The following ADAMTS17 variants were observed in gnomAD, a reference collection of about 807,000 sequenced individuals.
ADAMTS17 encodes the protein ADAM metallopeptidase with thrombospondin type 1 motif 17.
In ADAMTS17, 113 loss-of-function variants were observed where a neutral mutation model predicts 141.5. The ratio of observed to expected loss-of-function variants is 0.80; its 90% CI spans 0.69 to 0.93. The LOEUF (loss-of-function observed/expected upper bound fraction) is 0.93, where lower values mean the gene tolerates loss of function less well. ADAMTS17 is among the 40% of genes least tolerant of loss of function. The probability of loss-of-function intolerance (pLI) is 0.00; values close to 1 mark genes in which losing one functional copy is unlikely to be tolerated. For synonymous variants in ADAMTS17, 768 were observed against 630.6 expected (o/e 1.22, Z -3.27); for missense variants, 1,659 against 1,517.9 (o/e 1.09, Z -1.54).
At chr15:99,984,326 T>C (rs2060541387) in intron 20 of ADAMTS17, among the ~76,000 whole-genome samples, 1 of 152,138 alleles carries the variant, frequency 6.6e-6, no homozygotes, top group African/African-American at 2.4e-5. Context: ...GTAACTTTGC[T>C]TCCCACCATC....
At chr15:99,992,613 C>T (rs1345386916) in intron 20 of ADAMTS17, among the ~76,000 whole-genome samples, 2 of 147,582 alleles carry the variant, frequency 1.4e-5, no homozygotes, top group African/African-American at 2.7e-5. Context: ...CACCCCATGG[C>T]CCCCTGCCCT....
At position 100,167,154 on chromosome 15, in the gene ADAMTS17, C is replaced by G. The variant is rs547478389; in HGVS notation, c.1182-11834G>C. Among the ~76,000 whole-genome samples the G allele has an allele frequency of 2.0e-5, 3 of 152,322 alleles. No homozygotes were observed. In the East Asian group the frequency reaches 5.8e-4, roughly 29 times the overall value. The stretch of plus-strand genomic sequence containing the variant: ...TGACTAACTGCTAGCACCCAGACCA[C>G]ACAAGCCTAAGTGAGAACCTGATTG... On this transcript the variant is annotated intron_variant, in intron 8 of 21. Coordinates refer to ENST00000268070, the MANE Select transcript of ADAMTS17 (RefSeq NM_139057.4).
chr15:100,027,065 AG>A (rs1215275143), intron 18 of ADAMTS17, among the ~76,000 whole-genome samples: 1 of 152,230 alleles, frequency 6.6e-6, no homozygotes, highest in African/African-American at 2.4e-5. Context: ...CATTATGGGC[AG>A]GGAGAACAGG....
intron 12 of ADAMTS17, among the ~76,000 whole-genome samples, chr15:100,127,329 G>A (rs940624796): frequency 2.6e-5 from 4 of 152,134 alleles, no homozygotes; most frequent in South Asian, 2.1e-4. Context: ...AAGGTGAGAG[G>A]ACACACAGAG....
chr15:100,126,484 G>T (rs1596499535), intron 12 of ADAMTS17: 1 of 152,184 alleles, frequency 6.6e-6, no homozygotes, highest in Non-Finnish European at 1.5e-5. Context: ...GTGATGCCGA[G>T]CACTCCAGAC....
At chr15:100,263,019 G>C (rs946345663) in intron 4 of ADAMTS17, among the ~76,000 whole-genome samples, 1 of 152,084 alleles carries the variant, frequency 6.6e-6, no homozygotes, top group East Asian at 1.9e-4. Context: ...TACATATACA[G>C]TATGCTTATG....
chr15:100,031,711 T>C (rs941658561), intron 18 of ADAMTS17, among the ~76,000 whole-genome samples: 16 of 152,226 alleles, frequency 1.1e-4, no homozygotes, highest in African/African-American at 3.9e-4. Context: ...CTGAGGCACA[T>C]TCCCTCCACC....
At chr15:100,002,834 T>C (rs762083541) in intron 18 of ADAMTS17, among the ~76,000 whole-genome samples, 1 of 151,972 alleles carries the variant, frequency 6.6e-6, no homozygotes, top group Non-Finnish European at 1.5e-5. Context: ...GCATCCCTCC[T>C]TCCTGCTGTC....
In ADAMTS17 at chr15:100,096,342, G is replaced by C; in HGVS notation, c.2137+14C>G. The C allele has an allele frequency of 6.2e-7, 1 of 1,612,928 alleles. No homozygotes were observed. Among genetic ancestry groups the C allele is most frequent in the South Asian group, 1.1e-5 (1 of 91,082 alleles). ...AACACTGTAGCCACAGCAGCCCCAT[G>C]GGCCAACACTCACCTGTCCCCCGGG... On this transcript the variant is annotated intron_variant, in intron 15 of 21. Coordinates refer to ENST00000268070, the MANE Select transcript of ADAMTS17 (RefSeq NM_139057.4).
intron 18 of ADAMTS17, among the ~76,000 whole-genome samples, chr15:100,008,164 G>C (rs573709388): frequency 1.0e-3 from 156 of 152,216 alleles, no homozygotes; most frequent in African/African-American, 3.2e-3. Flanking sequence ...TGCTTGCTGA[G>C]TGGGCTCTGC....
chr15:100,039,521 C>T (rs1219366911), intron 18 of ADAMTS17, among the ~76,000 whole-genome samples: 1 of 152,190 alleles, frequency 6.6e-6, no homozygotes, highest in African/African-American at 2.4e-5. Flanking sequence ...AGGAAGGGTA[C>T]TGTTTAATTT....
intron 3 of ADAMTS17, among the ~76,000 whole-genome samples, chr15:100,296,460 T>C (rs1480317114): frequency 1.3e-5 from 2 of 152,156 alleles, no homozygotes; most frequent in Admixed American, 1.3e-4. Flanking sequence ...CTCTCCAAGT[T>C]TGCATTCTTT....
intron 15 of ADAMTS17, among the ~76,000 whole-genome samples, chr15:100,057,151 G>A (rs1228190850): frequency 6.6e-6 from 1 of 152,116 alleles, no homozygotes; most frequent in Non-Finnish European, 1.5e-5. Context: ...GGAAGGCACA[G>A]CACCCCATAT....
At chr15:100,235,786 G>A (rs2141870718) in intron 7 of ADAMTS17, among the ~76,000 whole-genome samples, 1 of 152,248 alleles carries the variant, frequency 6.6e-6, no homozygotes, top group East Asian at 1.9e-4. Flanking sequence ...AATGATGATG[G>A]GGCATTTATT....
Position 100,101,484 on chromosome 15 carries a change from A to G in ADAMTS17, c.2017-5008T>C, listed in dbSNP as rs142845242. Among the ~76,000 whole-genome samples the G allele has an allele frequency of 1.5e-3, 225 of 152,324 alleles. No homozygotes were observed. In the Middle Eastern group the frequency reaches 0.024, roughly 16 times the overall value. ...ACCCTATGGGTTTTCTGCTATGTCT[A>G]AGTGGAACCTCTTCTTGGTTGTTAA... On this transcript the variant is annotated intron_variant, in intron 14 of 21. Coordinates refer to ENST00000268070, the MANE Select transcript of ADAMTS17 (RefSeq NM_139057.4).
chr15:100,340,498 A>C (rs945181021), intron 2 of ADAMTS17, among the ~76,000 whole-genome samples: 1 of 152,216 alleles, frequency 6.6e-6, no homozygotes, highest in African/African-American at 2.4e-5. Flanking sequence ...CGTTTCAGCT[A>C]GGAAGAGTGG....
At chr15:100,272,262 A>G (rs1050421756) in intron 4 of ADAMTS17, among the ~76,000 whole-genome samples, 2 of 152,174 alleles carry the variant, frequency 1.3e-5, no homozygotes, top group Admixed American at 1.3e-4. Context: ...ATTTTGATAG[A>G]AATTGCATTG....
Position 100,341,975 on chromosome 15 carries a change from T to G in ADAMTS17, c.-76A>C. The G allele has an allele frequency of 6.6e-7, 1 of 1,509,498 alleles. No individual in the cohort carries two copies. 93.5% of individuals were successfully genotyped at this position (1,509,498 alleles called of 1,614,324 possible). A position where few individuals can be genotyped will look rare whatever the true frequency, so the allele number is the denominator to read the frequency against. On this transcript the variant is annotated 5_prime_UTR_variant, in exon 1 of 22. Coordinates refer to ENST00000268070, the MANE Select transcript of ADAMTS17 (RefSeq NM_139057.4). ...CGCTAGGCGGCGGCGCCAGCCGGAG[T>G]GAAGCCCTCCAGCCTTTGGAAAAAG... is the stretch of plus-strand genomic sequence containing the variant.
At chr15:100,092,035 T>C (rs2035501228) in intron 15 of ADAMTS17, among the ~76,000 whole-genome samples, 1 of 152,198 alleles carries the variant, frequency 6.6e-6, no homozygotes, top group Admixed American at 6.5e-5. Flanking sequence ...AATGCCCCTC[T>C]GCCTGTAGGG....
Sources: gnomAD v4.1 joint callset for allele counts (sites outside exome capture counted in the v4.1 genomes callset) on GRCh38, gnomAD v4.1.1 for gene constraint, MANE v1.5 for transcripts, NCBI Gene and HGNC (gene_info 2026-07-23, HGNC 2026-07-21) for gene names.